SKOR1: variants seen among roughly 807,000 people sequenced by gnomAD.
SKOR1 encodes SKI family transcriptional corepressor 1.
Under a neutral mutation model 72.4 loss-of-function variants are expected in SKOR1, and 38 were observed. The ratio of observed to expected loss-of-function variants is 0.52; its 90% CI spans 0.40 to 0.69. SKOR1 has a LOEUF of 0.69. Ranked by LOEUF, SKOR1 falls within the 30% of genes least tolerant of loss-of-function variation. The pLI is 0.00. For synonymous variants in SKOR1, 642 were observed against 599.4 expected (o/e 1.07, Z -1.04); for missense variants, 1,320 against 1,343.2 (o/e 0.98, Z 0.27).
At position 67,826,925 on chromosome 15, in the gene SKOR1, G is replaced by GCGC. The variant is rs1342195208; in HGVS notation, c.1100_1102dup (p.Ala367dup). On this transcript the variant is annotated inframe_insertion, in exon 2 of 9. Transcript: ENST00000380035. Reference sequence around the variant, plus strand: ...GCGGGCCCAGGAGGGCCCGGTGGCGGCGCCGGCGTACGAAGCTACCCGGTG... The same window carrying GCGC: ...GCGGGCCCAGGAGGGCCCGGTGGCGGCGCCGCCGGCGTACGAAGCTACCCGGTG... 7 of 1,567,904 alleles carry GCGC rather than the reference G, an allele frequency of 4.5e-6. No homozygotes were observed. The African/African-American group carries it at 8.2e-5, about 18-fold the overall frequency.
chr15:67,833,064 C>T lies in SKOR1; in HGVS notation c.2738-128C>T, dbSNP rs1045669788. The T allele has an allele frequency of 1.6e-5, 15 of 925,302 alleles. No homozygotes were observed. The highest frequency in any genetic ancestry group is 2.2e-5 in the Non-Finnish European group (13 of 586,624). The allele number at this position is 925,302 out of a possible 1,614,324, so 57.3% of individuals were successfully genotyped here. On this transcript the variant is annotated intron_variant, in intron 7 of 8. Coordinates refer to ENST00000380035, the MANE Select transcript of SKOR1 (RefSeq NM_001365915.1). The surrounding 1 kb of genome is among the most constrained non-coding windows in gnomAD (Gnocchi z 6.0). Reference sequence around the variant, plus strand: ...CTGCAGTTAGGAGCTCCGGTACCCCCTCCCCCATCCCTGGAGTTGTTTCTG... The same window carrying T: ...CTGCAGTTAGGAGCTCCGGTACCCCTTCCCCCATCCCTGGAGTTGTTTCTG...
At position 67,832,290 on chromosome 15, in the gene SKOR1, GCTC is replaced by G; in HGVS notation, c.2607_2609del (p.Leu870del). The G allele has an allele frequency of 6.2e-7, 1 of 1,614,086 alleles. No homozygotes were observed. The highest frequency in any genetic ancestry group is 8.5e-7 in the Non-Finnish European group (1 of 1,180,014). ...CTTTCACAGAGGAATTGCAAAAACT[GCTC>G]CTGGAACAAATGGAGCTCCGCAAGA... On this transcript the variant is annotated inframe_deletion, in exon 6 of 9. Transcript: ENST00000380035. This position sits in a 1 kb window ranked among gnomAD's most constrained non-coding sequence, Gnocchi z 4.5.
At position 67,834,127 on chromosome 15, in the gene SKOR1, G is replaced by C. The variant is rs567699918; in HGVS notation, c.*291G>C. ...ACCTCAAGGGGTTAACTGGACAGAC[G>C]GGGGGCGGGAGGGGAGAGCGCCCCC... On this transcript the variant is annotated 3_prime_UTR_variant, in exon 9 of 9. Transcript: ENST00000380035. This position sits in a 1 kb window ranked among gnomAD's most constrained non-coding sequence, Gnocchi z 5.8. The C allele has an allele frequency of 3.4e-4, 166 of 485,194 alleles. 1 individual carries two copies. Among genetic ancestry groups the C allele is most frequent in the African/African-American group, 2.7e-3 (138 of 51,286 alleles). The allele number at this position is 485,194 out of a possible 1,614,324, so 30.1% of individuals were successfully genotyped here. A position where few individuals can be genotyped will look rare whatever the true frequency, so the allele number is the denominator to read the frequency against.
At chr15:67,828,937 G>A (rs1392479177) in intron 2 of SKOR1, among the ~76,000 whole-genome samples, 1 of 152,204 alleles carries the variant, frequency 6.6e-6, no homozygotes, top group African/African-American at 2.4e-5. Context: ...CACTTTGAAC[G>A]CCCCTCGGCT....
In SKOR1 at chr15:67,827,065, G is replaced by A; in HGVS notation, c.1237G>A (p.Val413Ile). The A allele has an allele frequency of 6.5e-7, 1 of 1,537,410 alleles. No individual in the cohort carries two copies. Among genetic ancestry groups the A allele is most frequent in the Non-Finnish European group, 8.7e-7 (1 of 1,149,402 alleles). The stretch of plus-strand genomic sequence containing the variant: ...CCTATGCCCCAAAAAGGACGACCCG[G>A]TTTTAGGCGCGGGCGAGCCAAAGGG... Reference protein sequence around the residue: ...FGLCPKKDDPVLGAGEPKGGP... With the variant: ...FGLCPKKDDPILGAGEPKGGP... Residue 413 changes from valine (V) to isoleucine (I), a missense_variant, in exon 2 of 9, where the codon GTT (valine) becomes ATT (isoleucine). Coordinates refer to ENST00000380035, the MANE Select transcript of SKOR1 (RefSeq NM_001365915.1).
Position 67,827,400 on chromosome 15 carries a change from A to AGCG in SKOR1, c.1575_1577dup (p.Ala528dup). On this transcript the variant is annotated inframe_insertion, in exon 2 of 9. Transcript: ENST00000380035. ...CCGTGGCGGCGGCAGCGGCGGCGGC[A>AGCG]GCGGCAGCTGCTGGCAGCGGTGCCC... 2 of 1,534,682 alleles carry AGCG rather than the reference A, an allele frequency of 1.3e-6. No individual in the cohort carries two copies. The highest frequency in any genetic ancestry group is 1.7e-6 in the Non-Finnish European group (2 of 1,148,560).
rs1207719403 is a variant in SKOR1, at chr15:67,825,864, G to C, written c.108-72G>C. On this transcript the variant is annotated intron_variant, in intron 1 of 8. Transcript: ENST00000380035. The surrounding 1 kb of genome is among the most constrained non-coding windows in gnomAD (Gnocchi z 5.6). ...CCGCGCGCCCAACTCGGAGCGCCCT[G>C]CTGGGCGGGCCCGAGCCTCGGCGGC... is the stretch of plus-strand genomic sequence containing the variant. 1.3e-6 allele frequency: 2 copies of C among 1,512,670 alleles called. No individual in the cohort carries two copies. Among genetic ancestry groups the C allele is most frequent in the African/African-American group, 2.8e-5 (2 of 71,772 alleles). 93.7% of individuals were successfully genotyped at this position (1,512,670 alleles called of 1,614,324 possible).
intron 4 of SKOR1, 68 bp downstream of exon 4, chr15:67,830,366 C>T: frequency 7.3e-7 from 1 of 1,367,948 alleles, no homozygotes; most frequent in Non-Finnish European, 1.0e-6. Flanking sequence ...CGCCCAGGTT[C>T]CCAGAGGCTT....
At position 67,826,422 on chromosome 15, in the gene SKOR1, G is replaced by A; in HGVS notation, c.594G>A (p.Ala198=). 6.2e-7 allele frequency: 1 copy of A among 1,614,030 alleles called. No individual in the cohort carries two copies. The highest frequency in any genetic ancestry group is 8.5e-7 in the Non-Finnish European group (1 of 1,180,030). The change falls in exon 2 of 9, where the codon GCG becomes GCA. Residue 198 remains alanine, a synonymous_variant. Transcript: ENST00000380035. ...GCTCGCGTGGTAGCTTCATCCCTGC[G>A]CGTTACAACAGCTCTCGTGCCAAGT... is the stretch of plus-strand genomic sequence containing the variant. The part of the protein sequence containing the change: ...AWGSRGSFIP[A]RYNSSRAKCI...
In SKOR1 at chr15:67,827,992, C is replaced by A; in HGVS notation, c.2164C>A (p.Arg722Ser). The A allele has an allele frequency of 6.5e-7, 1 of 1,538,258 alleles. No homozygotes were observed. Among genetic ancestry groups the A allele is most frequent in the Non-Finnish European group, 8.7e-7 (1 of 1,144,120 alleles). Residue 722 changes from arginine to serine, a missense_variant, in exon 2 of 9, where the codon CGC (arginine) becomes AGC (serine). Coordinates refer to ENST00000380035, the MANE Select transcript of SKOR1 (RefSeq NM_001365915.1). ...PDGGSPRPRR[R>S]LGPPPAGRPA... Reference sequence around the variant, plus strand: ...CGGCGGCAGCCCCCGCCCCCGGCGCCGCCTCGGGCCACCCCCAGCTGGCCG... The same window carrying A: ...CGGCGGCAGCCCCCGCCCCCGGCGCAGCCTCGGGCCACCCCCAGCTGGCCG...
At position 67,826,554 on chromosome 15, in the gene SKOR1, C is replaced by T. The variant is rs1169455947; in HGVS notation, c.726C>T (p.Phe242=). 5.0e-6 allele frequency: 8 copies of T among 1,614,064 alleles called. No individual in the cohort carries two copies. The highest frequency in any genetic ancestry group is 1.7e-6 in the Non-Finnish European group (2 of 1,179,946). Residue 242 remains phenylalanine, a synonymous_variant, in exon 2 of 9, where the codon TTC becomes TTT. Transcript: ENST00000380035. ...AKYTQPDAAN[F]NSWRRHLKLS... ...ACACGCAGCCCGATGCCGCCAACTT[C>T]AACTCCTGGCGTCGTCACCTCAAAC...
chr15:67,826,870 C>T lies in SKOR1; in HGVS notation c.1042C>T (p.Leu348Phe). Reference sequence around the variant, plus strand: ...ACCTCCACCCCACCCGCAGCGCGGACTTGGCCTGGCGACTGGAGCTAGTGG... The same window carrying T: ...ACCTCCACCCCACCCGCAGCGCGGATTTGGCCTGGCGACTGGAGCTAGTGG... ...GPPPPHPQRG[L>F]GLATGASGPA... Residue 348 changes from leucine (L) to phenylalanine (F), a missense_variant, in exon 2 of 9, where the codon CTT (leucine) becomes TTT (phenylalanine). This residue lies in a region of SKOR1 where 1,099 missense variants were observed against 1,025.5 expected (regional missense o/e 1.07). Coordinates refer to ENST00000380035, the MANE Select transcript of SKOR1 (RefSeq NM_001365915.1). 3.3e-6 allele frequency: 5 copies of T among 1,537,038 alleles called. No individual in the cohort carries two copies. Among genetic ancestry groups the T allele is most frequent in the Non-Finnish European group, 4.4e-6 (5 of 1,146,120 alleles).
rs1180015403 is a variant in SKOR1 at position 67,833,848 on chromosome 15, C to A, written c.*12C>A. 6.2e-7 allele frequency: 1 copy of A among 1,606,138 alleles called. No individual in the cohort carries two copies. Among genetic ancestry groups the A allele is most frequent in the Non-Finnish European group, 8.5e-7 (1 of 1,179,262 alleles). ...CGCTGTTGCCCTAGGGCCGGCCTGG[C>A]CGCACCCCTGCGCCCTCAAGCCATG... On this transcript the variant is annotated 3_prime_UTR_variant, in exon 9 of 9. Transcript: ENST00000380035. The surrounding 1 kb of genome is among the most constrained non-coding windows in gnomAD (Gnocchi z 6.0).
At position 67,827,571 on chromosome 15, in the gene SKOR1, G is replaced by T; in HGVS notation, c.1743G>T (p.Pro581=). The change falls in exon 2 of 9, where the codon CCG becomes CCT. Residue 581 remains proline, a synonymous_variant. Transcript: ENST00000380035. ...CGCCCCTGGCCCCGTTGCCCCCGCC[G>T]CCCCCGCCGCCCGCACGCAAAGGCT... ...LPPPLAPLPP[P]PPPPARKGSY... 1 of 1,512,992 alleles carries T rather than the reference G, an allele frequency of 6.6e-7. No homozygotes were observed. The highest frequency in any genetic ancestry group is 8.8e-7 in the Non-Finnish European group (1 of 1,138,122). The allele number at this position is 1,512,992 out of a possible 1,614,324, so 93.7% of individuals were successfully genotyped here. A position where few individuals can be genotyped will look rare whatever the true frequency, so the allele number is the denominator to read the frequency against.
Position 67,830,303 on chromosome 15 carries a change from G to C in SKOR1, c.2515+5G>C. The C allele has an allele frequency of 6.2e-7, 1 of 1,613,748 alleles. No individual in the cohort carries two copies. The highest frequency in any genetic ancestry group is 8.5e-7 in the Non-Finnish European group (1 of 1,179,676). ...GTCCTGCAAATACAGACAGAGGTGA[G>C]CCAGCCCTTGAACCCATCGCTCTCC... On this transcript the variant is annotated splice_donor_5th_base_variant and intron_variant, in intron 4 of 8. Coordinates refer to ENST00000380035, the MANE Select transcript of SKOR1 (RefSeq NM_001365915.1).
At position 67,827,863 on chromosome 15, in the gene SKOR1, G is replaced by A. The variant is rs374790671; in HGVS notation, c.2035G>A (p.Glu679Lys). The change falls in exon 2 of 9, where the codon GAG (glutamate) becomes AAG (lysine). Residue 679 changes from glutamate to lysine, a missense_variant. Around this residue, in one of 3 missense-constraint regions of SKOR1, gnomAD observed 1,099 missense variants for 1,025.5 expected, o/e 1.07. Transcript: ENST00000380035. ...CGACGAGGACGCCCAAGAGGAGACCGAGCCCAGCGCACCCAGCGCAGGGGG... is the reference window on the plus strand; with the variant it reads ...CGACGAGGACGCCCAAGAGGAGACCAAGCCCAGCGCACCCAGCGCAGGGGG... ...PDDEDAQEET[E>K]PSAPSAGGGP... 2.9e-5 allele frequency: 46 copies of A among 1,601,112 alleles called. No individual in the cohort carries two copies. In the South Asian group the frequency reaches 4.4e-4, roughly 15 times the overall value.
Position 67,825,806 on chromosome 15 carries a change from A to G in SKOR1, c.107+97A>G. 2.6e-6 allele frequency: 4 copies of G among 1,518,372 alleles called. No individual in the cohort carries two copies. The highest frequency in any genetic ancestry group is 3.6e-6 in the Non-Finnish European group (4 of 1,118,224). 94.1% of individuals were successfully genotyped at this position (1,518,372 alleles called of 1,614,324 possible). A position where few individuals can be genotyped will look rare whatever the true frequency, so the allele number is the denominator to read the frequency against. The stretch of plus-strand genomic sequence containing the variant: ...ACAAAAGACGCCTGTCCAGGGGGTG[A>G]ATGAGTTTGGACTCCCCACTGCCAA... On this transcript the variant is annotated intron_variant, in intron 1 of 8. Coordinates refer to ENST00000380035, the MANE Select transcript of SKOR1 (RefSeq NM_001365915.1). The surrounding 1 kb of genome is among the most constrained non-coding windows in gnomAD (Gnocchi z 5.6).
intron 5 of SKOR1, among the ~76,000 whole-genome samples, chr15:67,831,767 A>C (rs1017126626): frequency 6.6e-6 from 1 of 152,068 alleles, no homozygotes; most frequent in African/African-American, 2.4e-5. Flanking sequence ...CTTTATAGTG[A>C]GGGTTCTTAG....
chr15:67,830,376 T>C (rs2090999760), intron 4 of SKOR1, 78 bp downstream of exon 4: 20 of 1,235,450 alleles, frequency 1.6e-5, no homozygotes, highest in Non-Finnish European at 2.4e-5. Context: ...CCCAGAGGCT[T>C]GCGAGAAAGG....
Sources: gnomAD v4.1 joint callset for allele counts (sites outside exome capture counted in the v4.1 genomes callset) on GRCh38, gnomAD v4.1.1 for gene constraint, gnomAD v4.1.1 regional missense constraint, Gnocchi (gnomAD v3.1) non-coding constraint, MANE v1.5 for transcripts, NCBI Gene and HGNC (gene_info 2026-07-23, HGNC 2026-07-21) for gene names.